Variants in CSMD1 observed in about 807,000 individuals in gnomAD.
CSMD1 encodes the protein CUB and sushi domain-containing protein 1.
In CSMD1, 213 loss-of-function variants were observed where a neutral mutation model predicts 417.5. The observed-to-expected ratio is 0.51, with a 90% confidence interval of 0.46 to 0.57. CSMD1 has a LOEUF of 0.57. Ranked by LOEUF, CSMD1 falls within the 20% of genes least tolerant of loss-of-function variation. The pLI, the probability that CSMD1 is intolerant of heterozygous loss-of-function variation, is 0.00. For synonymous variants in CSMD1, 2,862 were observed against 1,736.8 expected (o/e 1.65, Z -16.11); for missense variants, 6,923 against 4,529.7 (o/e 1.53, Z -15.17).
chr8:4,122,471 A>G (rs1802539141), intron 3 of CSMD1, among the ~76,000 whole-genome samples: 1 of 152,224 alleles, frequency 6.6e-6, no homozygotes, highest in Admixed American at 6.5e-5. Context: ...TGAAGAAACT[A>G]AGAGACACGT....
intron 23 of CSMD1, among the ~76,000 whole-genome samples, chr8:3,318,998 C>G (rs552301613): frequency 6.6e-6 from 1 of 152,140 alleles, no homozygotes; most frequent in Non-Finnish European, 1.5e-5. Context: ...AGAAACACAA[C>G]AACACAGATT....
intron 39 of CSMD1, among the ~76,000 whole-genome samples, chr8:3,153,175 T>C (rs901017907): frequency 6.6e-6 from 1 of 152,162 alleles, no homozygotes. Flanking sequence ...GTGTGACCTC[T>C]GGTTGTCCTC....
chr8:4,857,594 C>T (rs533034570), intron 1 of CSMD1, among the ~76,000 whole-genome samples: 1 of 152,210 alleles, frequency 6.6e-6, no homozygotes, highest in African/African-American at 2.4e-5. Flanking sequence ...CACCACCGAT[C>T]CCACAGAAAT....
In CSMD1 at chr8:4,623,582, A is replaced by G. The variant is rs983161106; in HGVS notation, c.302+13760T>C. 2.0e-5 allele frequency among the ~76,000 whole-genome samples: 3 copies of G among 152,114 alleles called. No individual in the cohort carries two copies. The South Asian group carries it at 6.2e-4, about 31-fold the overall frequency. On this transcript the variant is annotated intron_variant, in intron 2 of 69. Transcript: ENST00000635120. The stretch of plus-strand genomic sequence containing the variant: ...CTAAAAACAGGGGGGTGAGGGGGGA[A>G]CAAATGTCTATTAGAGTGATAAACT...
intron 1 of CSMD1, among the ~76,000 whole-genome samples, chr8:4,714,208 G>C (rs760224097): frequency 6.6e-6 from 1 of 152,118 alleles, no homozygotes; most frequent in Admixed American, 6.6e-5. Context: ...CGTCCACCGT[G>C]TTGACGCCTC....
chr8:4,125,588 G>A (rs776213926), intron 3 of CSMD1, among the ~76,000 whole-genome samples: 2 of 152,204 alleles, frequency 1.3e-5, no homozygotes, highest in African/African-American at 4.8e-5. Flanking sequence ...GACTGAAACT[G>A]CCTTTGCAGA....
chr8:4,447,736 ATTAAGAT>A (rs1465119050), intron 2 of CSMD1, among the ~76,000 whole-genome samples: 1 of 152,218 alleles, frequency 6.6e-6, no homozygotes, highest in African/African-American at 2.4e-5. Context: ...AAGTCTCCAA[ATTAAGAT>A]TTAAGACTCT....
intron 4 of CSMD1, among the ~76,000 whole-genome samples, chr8:4,030,936 T>C (rs1394916341): frequency 6.6e-6 from 1 of 152,170 alleles, no homozygotes; most frequent in Admixed American, 6.5e-5. Flanking sequence ...ATGCCATCAG[T>C]CTTTTTGCTA....
chr8:4,817,543 G>T (rs190808583), intron 1 of CSMD1, among the ~76,000 whole-genome samples: 7 of 152,130 alleles, frequency 4.6e-5, no homozygotes, highest in Non-Finnish European at 2.9e-5. Flanking sequence ...CTACTGCATG[G>T]TTTCCTTTTC....
rs769977328 is a variant in CSMD1, at chr8:4,161,869, T to C, written c.416-129770A>G. Among the ~76,000 whole-genome samples, 60 of 152,344 alleles carry C rather than the reference T, an allele frequency of 3.9e-4. No homozygotes were observed. The Middle Eastern group carries it at 0.01, about 26-fold the overall frequency. On this transcript the variant is annotated intron_variant, in intron 3 of 69. Transcript: ENST00000635120. ...TTTTCTTTGCCATAGAATTTAATTC[T>C]TTTAGATTTTATAATGGTTCAGTAA...
chr8:4,242,561 T>A (rs1459564946), intron 3 of CSMD1, among the ~76,000 whole-genome samples: 1 of 152,228 alleles, frequency 6.6e-6, no homozygotes, highest in Non-Finnish European at 1.5e-5. Context: ...GTAAGTTGTC[T>A]TGAAAAAACT....
At chr8:4,472,384 G>A (rs767703871) in intron 2 of CSMD1, among the ~76,000 whole-genome samples, 73 of 152,166 alleles carry the variant, frequency 4.8e-4, no homozygotes, top group Middle Eastern at 3.4e-3. Flanking sequence ...TGTAGTAACA[G>A]TGCTTCACTG....
intron 10 of CSMD1, among the ~76,000 whole-genome samples, chr8:3,519,651 G>C (rs1189891618): frequency 3.9e-5 from 6 of 152,168 alleles, no homozygotes; most frequent in Non-Finnish European, 7.4e-5. Flanking sequence ...GCATACGAAA[G>C]CTTATCAAGC....
intron 3 of CSMD1, among the ~76,000 whole-genome samples, chr8:4,175,659 T>C (rs902457359): frequency 1.3e-5 from 2 of 152,094 alleles, no homozygotes; most frequent in African/African-American, 4.8e-5. Flanking sequence ...CAGAACTATC[T>C]AAAGGTAAAG....
chr8:4,129,074 C>CAAAAAAA (rs10538387), intron 3 of CSMD1, among the ~76,000 whole-genome samples: 48 of 80,592 alleles, frequency 6.0e-4, no homozygotes, highest in Non-Finnish European at 7.9e-4. Context: ...GAGTCCAACT[C>CAAAAAAA]AAAAAAAAAA....
intron 3 of CSMD1, among the ~76,000 whole-genome samples, chr8:4,109,835 G>A (rs1801759677): frequency 6.6e-6 from 1 of 152,140 alleles, no homozygotes; most frequent in African/African-American, 2.4e-5. Flanking sequence ...TTAAAACAGA[G>A]TAAGATAAAA....
intron 3 of CSMD1, among the ~76,000 whole-genome samples, chr8:4,092,551 T>A: frequency 6.6e-6 from 1 of 152,218 alleles, no homozygotes; most frequent in East Asian, 1.9e-4. Flanking sequence ...AAAATTATTT[T>A]AAAGAAATGT....
At chr8:4,012,601 T>C (rs911068697) in intron 4 of CSMD1, among the ~76,000 whole-genome samples, 1 of 152,106 alleles carries the variant, frequency 6.6e-6, no homozygotes, top group Non-Finnish European at 1.5e-5. Context: ...TAGGCCTCAG[T>C]GACTATGTCA....
intron 5 of CSMD1, among the ~76,000 whole-genome samples, chr8:3,912,064 G>C (rs570579986): frequency 6.6e-6 from 1 of 152,012 alleles, no homozygotes; most frequent in African/African-American, 2.4e-5. Context: ...TTTTATATTT[G>C]ACTGAGTCTT....
Sources: allele counts gnomAD v4.1 joint callset (sites outside exome capture counted in the v4.1 genomes callset), GRCh38; gene constraint gnomAD v4.1.1; transcripts MANE v1.5; gene names NCBI Gene and HGNC (gene_info 2026-07-23, HGNC 2026-07-21).